Variants in TNMD observed in about 807,000 individuals in gnomAD.
TNMD encodes tenomodulin, also known as BRICHOS domain containing 4.
In TNMD, 15 loss-of-function variants were observed where a neutral mutation model predicts 26.9. The observed-to-expected ratio is 0.56, with a 90% CI of 0.37 to 0.86. TNMD has a LOEUF of 0.86. TNMD is among the 40% of genes least tolerant of loss of function. The pLI is 0.00. For synonymous variants in TNMD, 73 were observed against 77.0 expected (o/e 0.95, Z 0.27); for missense variants, 222 against 242.6 (o/e 0.92, Z 0.56).
rs141246388 is a variant in TNMD, at chrX:100,591,177, C to G, written c.181-2718C>G. ...GCTAGAAGCACCAAAAATTAACTCT[C>G]TCTATTTTCCAATTGGGCAGGGGTG... is the stretch of plus-strand genomic sequence containing the variant. On this transcript the variant is annotated intron_variant, in intron 2 of 6. Transcript: ENST00000373031. 7.9e-3 allele frequency among the ~76,000 whole-genome samples: 879 copies of G among 111,314 alleles called. 8 individuals carry two copies. The highest frequency in any genetic ancestry group is 0.027 in the African/African-American group (831 of 30,634).
In TNMD at chrX:100,597,685, C is replaced by G. The variant is rs746219722; in HGVS notation, c.577+28C>G. On this transcript the variant is annotated intron_variant, in intron 5 of 6. Transcript: ENST00000373031. Reference sequence around the variant, plus strand: ...ATGACATTCTTATCCTCATCCTCCTCCTATTTTCTAAGACAGTAACAGGTT... The same window carrying G: ...ATGACATTCTTATCCTCATCCTCCTGCTATTTTCTAAGACAGTAACAGGTT... 11 of 1,178,971 alleles carry G rather than the reference C, an allele frequency of 9.3e-6. No homozygotes were observed. In the South Asian group the frequency reaches 2.0e-4, roughly 21 times the overall value.
intron 2 of TNMD, among the ~76,000 whole-genome samples, chrX:100,591,510 C>T (rs2082937564): frequency 9.0e-6 from 1 of 111,671 alleles, no homozygotes; most frequent in African/African-American, 3.3e-5. Context: ...CCACAGGGAC[C>T]CAGGCGAGAC....
In TNMD at chrX:100,599,554, ATTG is replaced by A; in HGVS notation, c.796_798del (p.Cys266del). ...GATCCCATGCTGGATGAGAGAGGTT[ATTG>A]TTGTATTTACTGCCGTCGAGGCAAC... is the stretch of plus-strand genomic sequence containing the variant. On this transcript the variant is annotated inframe_deletion, in exon 7 of 7. Transcript: ENST00000373031. The A allele has an allele frequency of 3.3e-6, 4 of 1,210,251 alleles. No individual in the cohort carries two copies. Among genetic ancestry groups the A allele is most frequent in the Non-Finnish European group, 4.5e-6 (4 of 894,895 alleles).
intron 5 of TNMD, 141 bp from the exon 6 acceptor site, chrX:100,598,875 T>C: frequency 2.3e-6 from 1 of 428,452 alleles, no homozygotes; most frequent in Non-Finnish European, 3.9e-6. Flanking sequence ...CTGAAGGAGC[T>C]TGGAAAAGTG....
At chrX:100,598,773 C>A (rs2082960049) in intron 5 of TNMD, among the ~76,000 whole-genome samples, 1 of 111,852 alleles carries the variant, frequency 8.9e-6, no homozygotes, top group Non-Finnish European at 1.9e-5. Flanking sequence ...GCTATTAAGT[C>A]AAAGCAGTAA....
chrX:100,585,732 C>T (rs757609022), intron 2 of TNMD, among the ~76,000 whole-genome samples: 6 of 112,163 alleles, frequency 5.3e-5, no homozygotes, highest in Non-Finnish European at 1.1e-4. Context: ...ATTAGACCAC[C>T]ACATAAGGAG....
Position 100,599,104 on chromosome X carries a change from G to T in TNMD, c.666G>T (p.Trp222Cys). The change falls in exon 6 of 7, where the codon TGG becomes TGT. Residue 222 changes from tryptophan to cysteine, a missense_variant. Trp to Cys is a radical substitution (Grantham distance 215). Coordinates refer to ENST00000373031, the MANE Select transcript of TNMD (RefSeq NM_022144.3). Reference sequence around the variant, plus strand: ...AAGGGATTGAACAAAATGAACAGTGGGTGGTCCCTCAAGTGAAAGTAGAGA... The same window carrying T: ...AAGGGATTGAACAAAATGAACAGTGTGTGGTCCCTCAAGTGAAAGTAGAGA... ...EKKGIEQNEQ[W>C]VVPQVKVEKT... 8.3e-7 allele frequency: 1 copy of T among 1,206,835 alleles called. No homozygotes were observed. Among genetic ancestry groups the T allele is most frequent in the Non-Finnish European group, 1.1e-6 (1 of 892,803 alleles).
intron 2 of TNMD, among the ~76,000 whole-genome samples, chrX:100,590,559 C>A (rs777214336): frequency 4.5e-5 from 5 of 112,242 alleles, no homozygotes; most frequent in Non-Finnish European, 9.4e-5. Context: ...AGACAGAATT[C>A]CTGGGCAGGG....
chrX:100,587,544 T>C (rs1037834106), intron 2 of TNMD, among the ~76,000 whole-genome samples: 1 of 112,031 alleles, frequency 8.9e-6, no homozygotes, highest in Non-Finnish European at 1.9e-5. Flanking sequence ...TTGTTGGTTT[T>C]CCATTCCAGT....
rs140643904 is a variant in TNMD at position 100,590,648 on chromosome X, T to C, written c.181-3247T>C. ...TTCTCACTGCCTGGACTTAACCACATATCTGTCTCATTTCACTTCTGATTC... is the reference window on the plus strand; with the variant it reads ...TTCTCACTGCCTGGACTTAACCACACATCTGTCTCATTTCACTTCTGATTC... On this transcript the variant is annotated intron_variant, in intron 2 of 6. Coordinates refer to ENST00000373031, the MANE Select transcript of TNMD (RefSeq NM_022144.3). 5.3e-3 allele frequency among the ~76,000 whole-genome samples: 597 copies of C among 111,836 alleles called. 5 individuals are homozygous for C. Among genetic ancestry groups the C allele is most frequent in the African/African-American group, 0.018 (555 of 30,765 alleles).
At chrX:100,585,488 A>T in intron 2 of TNMD, 126 bp downstream of exon 2, 1 of 800,261 alleles carries the variant, frequency 1.2e-6, no homozygotes, top group Non-Finnish European at 1.7e-6. Context: ...TTCTGGTGGT[A>T]TGAAAAACTG....
At chrX:100,593,274 G>A in intron 2 of TNMD, 9 of 700,848 alleles carry the variant, frequency 1.3e-5, no homozygotes, top group Non-Finnish European at 1.5e-5. Flanking sequence ...GAAAACAACT[G>A]AATATGGCTT....
chrX:100,592,232 TCAGA>T (rs766926460), intron 2 of TNMD, among the ~76,000 whole-genome samples: 1 of 111,945 alleles, frequency 8.9e-6, no homozygotes, highest in South Asian at 3.7e-4. Context: ...TCTACTTAGG[TCAGA>T]CAGACTGAGA....
In TNMD at chrX:100,593,025, T is replaced by A. The variant is rs996705953; in HGVS notation, c.181-870T>A. Among the ~76,000 whole-genome samples, 4 of 112,223 alleles carry A rather than the reference T, an allele frequency of 3.6e-5. 1 individual carries two copies. The highest frequency in any genetic ancestry group is 2.8e-4 in the Admixed American group (3 of 10,595). Reference sequence around the variant, plus strand: ...TTTGCTTCTACCTATAAATATGTCCTAAAACTATAAGTTATGGGCTTACTC... The same window carrying A: ...TTTGCTTCTACCTATAAATATGTCCAAAAACTATAAGTTATGGGCTTACTC... On this transcript the variant is annotated intron_variant, in intron 2 of 6. Transcript: ENST00000373031.
chrX:100,593,025 TA>T (rs1394662910), intron 2 of TNMD, among the ~76,000 whole-genome samples: 9 of 112,223 alleles, frequency 8.0e-5, no homozygotes. Flanking sequence ...AAATATGTCC[TA>T]AAACTATAAG....
At chrX:100,588,042 T>C (rs973684151) in intron 2 of TNMD, among the ~76,000 whole-genome samples, 1 of 111,788 alleles carries the variant, frequency 8.9e-6, no homozygotes. Flanking sequence ...TCTTAGTGTT[T>C]GCTCTCCTAG....
At chrX:100,588,929 T>C (rs777302229) in intron 2 of TNMD, among the ~76,000 whole-genome samples, 16 of 111,332 alleles carry the variant, frequency 1.4e-4, no homozygotes, top group Non-Finnish European at 2.6e-4. Flanking sequence ...AACTTCTATA[T>C]ATTACCAGAG....
chrX:100,587,807 G>A (rs572264245), intron 2 of TNMD, among the ~76,000 whole-genome samples: 2 of 111,968 alleles, frequency 1.8e-5, no homozygotes, highest in Admixed American at 1.9e-4. Flanking sequence ...TGGAAGAGTT[G>A]CATAGGAAAG....
intron 4 of TNMD, among the ~76,000 whole-genome samples, chrX:100,595,962 G>A (rs190717578): frequency 1.2e-3 from 133 of 112,474 alleles, no homozygotes; most frequent in African/African-American, 4.2e-3. Flanking sequence ...AATAATGTAA[G>A]CATTTGAGTA....
Sources: gnomAD v4.1 joint callset for allele counts (sites outside exome capture counted in the v4.1 genomes callset) on GRCh38, gnomAD v4.1.1 for gene constraint, MANE v1.5 for transcripts, NCBI Gene and HGNC (gene_info 2026-07-23, HGNC 2026-07-21) for gene names.